The following MCTP1 variants were observed in gnomAD, a reference collection of about 807,000 sequenced individuals.
The protein encoded by MCTP1 is multiple C2 and transmembrane domain-containing protein 1.
A neutral mutation model predicts 120.6 loss-of-function variants in MCTP1; 69 were observed. The ratio of observed to expected loss-of-function variants is 0.57; its 90% confidence interval spans 0.47 to 0.70. MCTP1 has a LOEUF of 0.70. MCTP1 is among the 30% of genes least tolerant of loss of function. The pLI is 0.00. For missense variants in MCTP1, 1,203 were observed against 1,248.8 expected (o/e 0.96, Z 0.55); for synonymous variants, 529 against 493.1 (o/e 1.07, Z -0.96).
chr5:95,227,201 T>C (rs1264770656), intron 1 of MCTP1, among the ~76,000 whole-genome samples: 2 of 152,224 alleles, frequency 1.3e-5, no homozygotes, highest in Non-Finnish European at 2.9e-5. Flanking sequence ...CTATGTCTCA[T>C]GTGTCTTCTC....
At chr5:95,224,503 T>C (rs1240955788) in intron 1 of MCTP1, among the ~76,000 whole-genome samples, 1 of 120,628 alleles carries the variant, frequency 8.3e-6, no homozygotes, top group African/African-American at 3.3e-5. Flanking sequence ...GCACACAGAC[T>C]GTCTTTTTTT....
At chr5:95,267,776 C>T (rs2152727335) in intron 1 of MCTP1, among the ~76,000 whole-genome samples, 1 of 152,296 alleles carries the variant, frequency 6.6e-6, no homozygotes, top group East Asian at 1.9e-4. Flanking sequence ...CCAAAATCTC[C>T]CCAAGATCTG....
At chr5:95,219,155 GT>G (rs1368917346) in intron 1 of MCTP1, among the ~76,000 whole-genome samples, 1 of 152,136 alleles carries the variant, frequency 6.6e-6, no homozygotes, top group African/African-American at 2.4e-5. Context: ...GCCAAGGCGG[GT>G]GGATCATGCG....
At chr5:95,083,406 C>T (rs1320920845) in intron 1 of MCTP1, among the ~76,000 whole-genome samples, 1 of 152,168 alleles carries the variant, frequency 6.6e-6, no homozygotes, top group Non-Finnish European at 1.5e-5. Flanking sequence ...TAAATTTGGA[C>T]ACTATTAGGA....
At chr5:95,073,703 C>T (rs547387037) in intron 1 of MCTP1, among the ~76,000 whole-genome samples, 11 of 152,170 alleles carry the variant, frequency 7.2e-5, no homozygotes, top group Non-Finnish European at 1.5e-4. Context: ...AGCTCAGGTG[C>T]CTCCCTTCAG....
chr5:95,278,187 C>T lies in MCTP1; in HGVS notation c.720+5669G>A, dbSNP rs75723239. ...GAATTGTTAGGGATAAACTTCTCAC[C>T]TCTGATTCATAAAAAGCACTGTGAG... On this transcript the variant is annotated intron_variant, in intron 1 of 22. Transcript: ENST00000515393. 1.0e-2 allele frequency among the ~76,000 whole-genome samples: 1,515 copies of T among 151,984 alleles called. 26 individuals carry two copies. Among genetic ancestry groups the T allele is most frequent in the African/African-American group, 0.034 (1,408 of 41,454 alleles).
chr5:95,152,604 C>T (rs557610926), intron 1 of MCTP1, among the ~76,000 whole-genome samples: 4 of 152,218 alleles, frequency 2.6e-5, no homozygotes, highest in South Asian at 2.1e-4. Context: ...CGAGGGTTAT[C>T]GTTAAATTTG....
chr5:95,192,676 A>T (rs1749955351), intron 1 of MCTP1, among the ~76,000 whole-genome samples: 1 of 152,138 alleles, frequency 6.6e-6, no homozygotes, highest in African/African-American at 2.4e-5. Context: ...GCTTAAAGCC[A>T]CATTTCATCA....
At chr5:94,860,464 T>C (rs1795552218) in intron 17 of MCTP1, among the ~76,000 whole-genome samples, 1 of 151,748 alleles carries the variant, frequency 6.6e-6, no homozygotes, top group Non-Finnish European at 1.5e-5. Flanking sequence ...AGAGAGAAGA[T>C]AAAATTCTTC....
At chr5:94,768,014 C>A (rs1053291251) in intron 19 of MCTP1, among the ~76,000 whole-genome samples, 5 of 152,178 alleles carry the variant, frequency 3.3e-5, no homozygotes, top group African/African-American at 1.2e-4. Flanking sequence ...TGCTATAAAG[C>A]TTTAATAACC....
At chr5:94,742,989 T>C (rs1209955863) in intron 19 of MCTP1, among the ~76,000 whole-genome samples, 1 of 152,046 alleles carries the variant, frequency 6.6e-6, no homozygotes, top group Non-Finnish European at 1.5e-5. Context: ...AATTCTACAA[T>C]AGAGGCATAA....
intron 12 of MCTP1, among the ~76,000 whole-genome samples, chr5:94,874,169 A>G (rs1798335932): frequency 6.6e-6 from 1 of 152,104 alleles, no homozygotes; most frequent in Non-Finnish European, 1.5e-5. Context: ...TTAAACTACA[A>G]TATTGATTTA....
intron 1 of MCTP1, among the ~76,000 whole-genome samples, chr5:95,087,429 C>G (rs1003603073): frequency 2.6e-5 from 4 of 152,148 alleles, no homozygotes; most frequent in African/African-American, 9.7e-5. Context: ...CCACAGTGAA[C>G]TGAATGAAGG....
intron 1 of MCTP1, among the ~76,000 whole-genome samples, chr5:95,094,629 T>C (rs1029929127): frequency 6.6e-6 from 1 of 152,212 alleles, no homozygotes; most frequent in Non-Finnish European, 1.5e-5. Flanking sequence ...TAAGGAAATA[T>C]GGTGTGAAAT....
intron 1 of MCTP1, among the ~76,000 whole-genome samples, chr5:95,209,839 A>T (rs12188110): frequency 0.17 from 25,288 of 152,024 alleles, 2,475 homozygotes; most frequent in Non-Finnish European, 0.22. Context: ...ACACACTGCT[A>T]TGAATGTGTC....
Position 94,912,981 on chromosome 5 carries a change from T to G in MCTP1, c.1351-5A>C. 1 of 1,584,448 alleles carries G rather than the reference T, an allele frequency of 6.3e-7. No homozygotes were observed. Among genetic ancestry groups the G allele is most frequent in the Non-Finnish European group, 8.6e-7 (1 of 1,168,062 alleles). On this transcript the variant is annotated splice_polypyrimidine_tract_variant and splice_region_variant and intron_variant, in intron 8 of 22. Transcript: ENST00000515393. ...GCGTAAACTTTGGGTCTGAAACTTT[T>G]GGCAAATGAAAATTGAGTTAGGTTA... is the stretch of plus-strand genomic sequence containing the variant.
intron 1 of MCTP1, chr5:95,081,790 A>G: frequency 1.8e-6 from 2 of 1,094,552 alleles, no homozygotes; most frequent in Non-Finnish European, 2.2e-6. Context: ...CTGGGGTTCT[A>G]AAATACTCAC....
intron 2 of MCTP1, among the ~76,000 whole-genome samples, chr5:94,963,403 C>T (rs1416382424): frequency 1.4e-5 from 2 of 147,198 alleles, no homozygotes; most frequent in Non-Finnish European, 3.0e-5. Context: ...TTAATGGCTG[C>T]ACCAATTTAG....
chr5:95,121,179 G>T (rs1008175250), intron 1 of MCTP1, among the ~76,000 whole-genome samples: 1 of 150,182 alleles, frequency 6.7e-6, no homozygotes, highest in Non-Finnish European at 1.5e-5. Flanking sequence ...TCAGGAGGCT[G>T]AGGCAGGAGA....
Sources: gnomAD v4.1 joint callset for allele counts (sites outside exome capture counted in the v4.1 genomes callset) on GRCh38, gnomAD v4.1.1 for gene constraint, MANE v1.5 for transcripts, NCBI Gene and HGNC (gene_info 2026-07-23, HGNC 2026-07-21) for gene names.